Variants in IARS2 observed in about 807,000 individuals in gnomAD.
IARS2 encodes isoleucyl-tRNA synthetase 2, mitochondrial.
A neutral mutation model predicts 126.3 loss-of-function variants in IARS2; 56 were observed. That is an observed-to-expected ratio of 0.44 (90% CI 0.36 to 0.55). The LOEUF (loss-of-function observed/expected upper bound fraction) is 0.55. Among genes scored for constraint, IARS2 ranks in the 20% least tolerant of loss-of-function variants. The probability of loss-of-function intolerance (pLI) is 0.00; values close to 1 mark genes in which losing one functional copy is unlikely to be tolerated. For missense variants in IARS2, 1,127 were observed against 1,245.9 expected (o/e 0.90, Z 1.44); for synonymous variants, 407 against 441.1 (o/e 0.92, Z 0.97).
intron 8 of IARS2, among the ~76,000 whole-genome samples, chr1:220,104,087 C>T (rs1371328688): frequency 1.3e-5 from 2 of 152,254 alleles, no homozygotes; most frequent in Admixed American, 6.5e-5. Context: ...AATCCTCCTG[C>T]CCTGGCCACC....
At position 220,137,961 on chromosome 1, in the gene IARS2, G is replaced by A; in HGVS notation, c.2093G>A (p.Trp698Ter). The change falls in exon 17 of 23, where the codon TGG (tryptophan) becomes TAG (stop). Residue 698 changes from tryptophan (W) to a stop codon, truncating the protein, a stop_gained. Coordinates refer to ENST00000366922, the MANE Select transcript of IARS2 (RefSeq NM_018060.4). LOFTEE classifies it high-confidence loss of function. The part of the protein sequence containing the change: ...EPPYGADVLR[W>*]WVADSNVFTE... Reference sequence around the variant, plus strand: ...CCGTATGGTGCTGATGTCCTTCGCTGGTGGGTAGCTGATTCCAATGTCTTC... The same window carrying A: ...CCGTATGGTGCTGATGTCCTTCGCTAGTGGGTAGCTGATTCCAATGTCTTC... 1 of 1,614,144 alleles carries A rather than the reference G, an allele frequency of 6.2e-7. No individual in the cohort carries two copies. The highest frequency in any genetic ancestry group is 8.5e-7 in the Non-Finnish European group (1 of 1,180,026).
chr1:220,118,401 A>T (rs1656972096), intron 12 of IARS2, among the ~76,000 whole-genome samples: 1 of 150,550 alleles, frequency 6.6e-6, no homozygotes, highest in African/African-American at 2.4e-5. Context: ...TTGAATTAAT[A>T]GTGTCATTTG....
chr1:220,135,274 G>A (rs1028049895), intron 15 of IARS2, among the ~76,000 whole-genome samples: 4 of 152,154 alleles, frequency 2.6e-5, no homozygotes, highest in Admixed American at 6.5e-5. Flanking sequence ...AAACGTGTGG[G>A]TGAAAGTACT....
chr1:220,129,282 A>T (rs1288278973), intron 14 of IARS2, among the ~76,000 whole-genome samples: 1 of 152,158 alleles, frequency 6.6e-6, no homozygotes, highest in African/African-American at 2.4e-5. Context: ...TAGTGTTTTG[A>T]TAGGTGCATT....
chr1:220,136,195 G>A (rs948327774), intron 15 of IARS2, among the ~76,000 whole-genome samples: 5 of 152,104 alleles, frequency 3.3e-5, no homozygotes, highest in East Asian at 1.9e-4. Context: ...GCAGTGGAAC[G>A]ATCTCAGCTC....
Position 220,105,986 on chromosome 1 carries a change from A to G in IARS2, c.1162A>G (p.Thr388Ala), listed in dbSNP as rs1216051922. 1.2e-6 allele frequency: 2 copies of G among 1,614,194 alleles called. No individual in the cohort carries two copies. Among genetic ancestry groups the G allele is most frequent in the South Asian group, 1.1e-5 (1 of 91,088 alleles). ...AAATCATGTGACCATGGCAAAAGGA[A>G]CGGGATTGGTTCACACAGCCCCAGC... ...PANHVTMAKG[T>A]GLVHTAPAHG... Residue 388 changes from threonine (T) to alanine (A), a missense_variant, in exon 9 of 23, where the codon ACG (threonine) becomes GCG (alanine). Physicochemically the swap from Thr to Ala is moderately conservative, Grantham distance 58. Transcript: ENST00000366922.
At chr1:220,116,113 G>T (rs998682920) in intron 12 of IARS2, among the ~76,000 whole-genome samples, 5 of 152,142 alleles carry the variant, frequency 3.3e-5, no homozygotes, top group African/African-American at 9.6e-5. Context: ...GGAGGCTAAG[G>T]CGAGAGGATC....
At chr1:220,102,307 G>T in intron 4 of IARS2, 30 bp downstream of exon 4, 1 of 1,606,600 alleles carries the variant, frequency 6.2e-7, no homozygotes, top group Non-Finnish European at 8.5e-7. Context: ...CTTTGAGTAG[G>T]TTTTAGTATG....
At chr1:220,099,419 G>A (rs1193276655) in intron 2 of IARS2, among the ~76,000 whole-genome samples, 4 of 151,916 alleles carry the variant, frequency 2.6e-5, no homozygotes, top group Admixed American at 6.6e-5. Flanking sequence ...TCACATTTTC[G>A]TAAAACATGT....
chr1:220,125,747 G>A (rs559916428), intron 13 of IARS2, among the ~76,000 whole-genome samples: 2 of 152,012 alleles, frequency 1.3e-5, no homozygotes, highest in African/African-American at 2.4e-5. Context: ...AGGTTGCAGC[G>A]AGCCAAGATT....
intron 22 of IARS2, among the ~76,000 whole-genome samples, chr1:220,147,015 T>C (rs1400029727): frequency 6.6e-6 from 1 of 152,176 alleles, no homozygotes; most frequent in African/African-American, 2.4e-5. Context: ...AGAAAATAAC[T>C]TAGTTTTATA....
At chr1:220,105,690 C>T (rs1460836623) in intron 8 of IARS2, among the ~76,000 whole-genome samples, 2 of 152,088 alleles carry the variant, frequency 1.3e-5, no homozygotes, top group Non-Finnish European at 2.9e-5. Context: ...CTCACAGAAA[C>T]CCTCTGAGGT....
intron 1 of IARS2, among the ~76,000 whole-genome samples, 177 bp from the exon 2 acceptor site, chr1:220,095,927 G>A (rs1052458945): frequency 6.6e-6 from 1 of 152,128 alleles, no homozygotes; most frequent in African/African-American, 2.4e-5. Context: ...TAAGAGATGC[G>A]TACTTTGACA....
intron 14 of IARS2, among the ~76,000 whole-genome samples, chr1:220,130,375 C>T (rs1657234095): frequency 6.6e-6 from 1 of 152,038 alleles, no homozygotes; most frequent in Non-Finnish European, 1.5e-5. Flanking sequence ...AATATAGTTC[C>T]ATTTGTCTAT....
intron 13 of IARS2, among the ~76,000 whole-genome samples, chr1:220,125,797 C>T (rs1455593101): frequency 2.0e-5 from 3 of 151,636 alleles, no homozygotes; most frequent in African/African-American, 7.3e-5. Flanking sequence ...AGTGAGAGCC[C>T]ATCCCTGCAA....
chr1:220,140,255 C>A lies in IARS2; in HGVS notation c.2380C>A (p.Leu794Ile). ...GTTACGGACGTTTTATACCAGAGAG[C>A]TCTCTAACTTTTATTTCAGTATAAT... ...RLLRTFYTRELSNFYFSIIKD... is the reference protein window; with the variant it reads ...RLLRTFYTREISNFYFSIIKD... Residue 794 changes from leucine to isoleucine, a missense_variant, in exon 19 of 23, where the codon CTC (leucine) becomes ATC (isoleucine). Transcript: ENST00000366922. 6.2e-7 allele frequency: 1 copy of A among 1,608,864 alleles called. No individual in the cohort carries two copies. The highest frequency in any genetic ancestry group is 8.5e-7 in the Non-Finnish European group (1 of 1,175,414).
At position 220,142,937 on chromosome 1, in the gene IARS2, T is replaced by C. The variant is rs1262147244; in HGVS notation, c.2561-7T>C. The C allele has an allele frequency of 1.9e-6, 3 of 1,585,048 alleles. No homozygotes were observed. In the Admixed American group the frequency reaches 5.2e-5, roughly 27 times the overall value. On this transcript the variant is annotated splice_region_variant and splice_polypyrimidine_tract_variant and intron_variant, in intron 20 of 22. Transcript: ENST00000366922. Reference sequence around the variant, plus strand: ...TAAAGCAGTTTACTATTTTTGTTCTTCTGAAGAGCCCAAGAGTGTTTTCCG... The same window carrying C: ...TAAAGCAGTTTACTATTTTTGTTCTCCTGAAGAGCCCAAGAGTGTTTTCCG...
At chr1:220,139,183 A>T (rs1340673444) in intron 18 of IARS2, 44 bp downstream of exon 18, 21 of 1,539,084 alleles carry the variant, frequency 1.4e-5, no homozygotes, top group Non-Finnish European at 1.9e-5. Context: ...AAATATCAGC[A>T]CTATTGTAGG....
chr1:220,115,157 A>G (rs976714940), intron 12 of IARS2, among the ~76,000 whole-genome samples: 4 of 152,200 alleles, frequency 2.6e-5, no homozygotes, highest in African/African-American at 9.7e-5. Context: ...GAGTATCTCT[A>G]TCTTCTGCTC....
Sources: allele counts gnomAD v4.1 joint callset (sites outside exome capture counted in the v4.1 genomes callset), GRCh38; gene constraint gnomAD v4.1.1; transcripts MANE v1.5; gene names NCBI Gene and HGNC (gene_info 2026-07-23, HGNC 2026-07-21).